MMP16: variants seen among roughly 807,000 people sequenced by gnomAD.
MMP16 encodes matrix metallopeptidase 16.
In MMP16, 12 loss-of-function variants were observed where a neutral mutation model predicts 67.8. The ratio of observed to expected loss-of-function variants is 0.18; its 90% confidence interval spans 0.11 to 0.29. The LOEUF is 0.29. Among genes scored for constraint, MMP16 ranks in the 10% least tolerant of loss-of-function variants. The pLI is 1.00. For synonymous variants in MMP16, 249 were observed against 255.9 expected (o/e 0.97, Z 0.26); for missense variants, 475 against 765.7 (o/e 0.62, Z 4.48).
chr8:88,076,974 C>A (rs1046975827), intron 6 of MMP16, among the ~76,000 whole-genome samples: 1 of 152,142 alleles, frequency 6.6e-6, no homozygotes, highest in Non-Finnish European at 1.5e-5. Context: ...TGGAGCCGGG[C>A]CAGTGGCTTT....
At chr8:88,169,419 A>G (rs1360997082) in intron 3 of MMP16, among the ~76,000 whole-genome samples, 12 of 152,262 alleles carry the variant, frequency 7.9e-5, no homozygotes, top group Admixed American at 7.9e-4. Context: ...ATTTATACCT[A>G]TTTTACCAAA....
At chr8:88,304,382 C>T (rs1811180423) in intron 1 of MMP16, among the ~76,000 whole-genome samples, 1 of 152,146 alleles carries the variant, frequency 6.6e-6, no homozygotes, top group Non-Finnish European at 1.5e-5. Flanking sequence ...TTCAGGATAT[C>T]ATCCAGGAGA....
chr8:88,168,742 T>G lies in MMP16; in HGVS notation c.405-769A>C, dbSNP rs57517755. On this transcript the variant is annotated intron_variant, in intron 3 of 9. Transcript: ENST00000286614. ...TGGAACTAGTATTTGTATTTTTTTA[T>G]ATTATAGCACTATAAATTCAAAGCA... 1.0e-2 allele frequency among the ~76,000 whole-genome samples: 1,519 copies of G among 152,318 alleles called. 21 individuals carry two copies. Among genetic ancestry groups the G allele is most frequent in the African/African-American group, 0.033 (1,375 of 41,572 alleles).
intron 4 of MMP16, among the ~76,000 whole-genome samples, chr8:88,146,416 T>C (rs540670853): frequency 1.3e-5 from 2 of 152,096 alleles, no homozygotes; most frequent in South Asian, 4.1e-4. Flanking sequence ...AACTAATCAC[T>C]ATCCCAAAAT....
At chr8:88,167,625 A>G (rs1586186169) in intron 4 of MMP16, 44 bp downstream of exon 4, 2 of 1,492,596 alleles carry the variant, frequency 1.3e-6, no homozygotes, top group Admixed American at 4.5e-5. Context: ...TTATTCTGAA[A>G]TAATAATAGA....
At chr8:88,313,399 T>C (rs1811327467) in intron 1 of MMP16, among the ~76,000 whole-genome samples, 1 of 152,178 alleles carries the variant, frequency 6.6e-6, no homozygotes, top group Non-Finnish European at 1.5e-5. Flanking sequence ...CCACTATCTT[T>C]TCCTTGTATT....
intron 4 of MMP16, among the ~76,000 whole-genome samples, chr8:88,139,737 A>G (rs1354871822): frequency 1.3e-5 from 2 of 152,098 alleles, no homozygotes; most frequent in African/African-American, 2.4e-5. Context: ...TTCAATTAGT[A>G]ATTTGTATAC....
chr8:88,161,298 T>G (rs537757009), intron 4 of MMP16, among the ~76,000 whole-genome samples: 1 of 152,316 alleles, frequency 6.6e-6, no homozygotes, highest in East Asian at 1.9e-4. Context: ...GTCCAGGAAT[T>G]TATCCATTTC....
intron 1 of MMP16, among the ~76,000 whole-genome samples, chr8:88,227,613 C>T (rs1401509672): frequency 6.6e-6 from 1 of 151,994 alleles, no homozygotes; most frequent in East Asian, 1.9e-4. Flanking sequence ...TCTGAATGGC[C>T]AGCTCCTTTT....
rs138587495 is a variant in MMP16 at position 88,085,479 on chromosome 8, A to G, written c.1084-10736T>C. On this transcript the variant is annotated intron_variant, in intron 6 of 9. Transcript: ENST00000286614. ...CAGGGCTCATCACTTAAGATTGACC[A>G]GATGTAATTCTGTGAGAAATGATGC... Among the ~76,000 whole-genome samples the G allele has an allele frequency of 4.6e-5, 7 of 152,212 alleles. No homozygotes were observed. The East Asian group carries it at 1.4e-3, about 29-fold the overall frequency.
At chr8:88,308,475 T>A (rs1811245311) in intron 1 of MMP16, among the ~76,000 whole-genome samples, 1 of 152,098 alleles carries the variant, frequency 6.6e-6, no homozygotes, top group Admixed American at 6.6e-5. Context: ...CCACCCATAG[T>A]TCCATAGATC....
intron 3 of MMP16, among the ~76,000 whole-genome samples, chr8:88,169,309 T>G (rs1174248725): frequency 6.6e-6 from 1 of 152,194 alleles, no homozygotes; most frequent in African/African-American, 2.4e-5. Context: ...GGGCAGGAAT[T>G]ATATAAACTA....
chr8:88,138,920 AT>A (rs1196631834), intron 4 of MMP16, among the ~76,000 whole-genome samples: 2 of 152,218 alleles, frequency 1.3e-5, no homozygotes, highest in African/African-American at 4.8e-5. Context: ...TAGCCAAGGC[AT>A]TTATGTTTTT....
At chr8:88,186,308 T>C (rs1208143148) in intron 3 of MMP16, 168 bp downstream of exon 3, 2 of 764,794 alleles carry the variant, frequency 2.6e-6, no homozygotes, top group Non-Finnish European at 4.1e-6. Flanking sequence ...ATAGGGTGTC[T>C]AATGAACAAT....
At chr8:88,207,693 G>C (rs1586205342) in intron 1 of MMP16, among the ~76,000 whole-genome samples, 1 of 74,354 alleles carries the variant, frequency 1.3e-5, no homozygotes, top group South Asian at 4.3e-4. Context: ...AAGGACCATT[G>C]TTAAAAAAAA....
intron 4 of MMP16, among the ~76,000 whole-genome samples, chr8:88,144,602 G>A (rs1430905953): frequency 6.6e-6 from 1 of 151,404 alleles, no homozygotes; most frequent in East Asian, 1.9e-4. Context: ...ATATAATATG[G>A]GAAAATAATA....
intron 4 of MMP16, among the ~76,000 whole-genome samples, chr8:88,153,755 T>A (rs1219897947): frequency 2.7e-5 from 4 of 149,656 alleles, no homozygotes; most frequent in Non-Finnish European, 6.0e-5. Flanking sequence ...CCTAAAACCA[T>A]AAAAACCCTA....
intron 4 of MMP16, 130 bp downstream of exon 4, chr8:88,167,539 C>T (rs1288414115): frequency 1.2e-6 from 1 of 818,642 alleles, no homozygotes; most frequent in East Asian, 2.7e-5. Flanking sequence ...ATAAAATATG[C>T]TTACATATTG....
At chr8:88,309,513 T>TA (rs986471917) in intron 1 of MMP16, among the ~76,000 whole-genome samples, 7 of 151,790 alleles carry the variant, frequency 4.6e-5, no homozygotes, top group East Asian at 1.9e-4. Flanking sequence ...AATCTTTCTT[T>TA]AAAAAAAATG....
Sources: gnomAD v4.1 joint callset for allele counts (sites outside exome capture counted in the v4.1 genomes callset) on GRCh38, gnomAD v4.1.1 for gene constraint, MANE v1.5 for transcripts, NCBI Gene and HGNC (gene_info 2026-07-23, HGNC 2026-07-21) for gene names.